OR14A2: variants seen among roughly 807,000 people sequenced by gnomAD.
OR14A2 encodes olfactory receptor 14A2.
For missense variants in OR14A2, 237 were observed against 152.9 expected (o/e 1.55, Z -2.90); for synonymous variants, 114 against 58.6 (o/e 1.95, Z -4.32).
At chr1:247,726,943 G>A (rs1190989389), upstream of OR14A2, among the ~76,000 whole-genome samples, 1 of 143,902 alleles carries the variant, frequency 6.9e-6, no homozygotes, top group African/African-American at 2.9e-5. Flanking sequence ...TAGCCTTGTA[G>A]TATAGCTTGA....
At chr1:247,743,118 A>G in the OR14A2 span, among the ~76,000 whole-genome samples, 1 of 152,236 alleles carries the variant, frequency 6.6e-6, no homozygotes, top group South Asian at 2.1e-4. Context: ...CAAATTTCAT[A>G]AAGTCTAAAT....
the OR14A2 span, among the ~76,000 whole-genome samples, chr1:247,738,189 G>T: frequency 6.6e-6 from 1 of 152,150 alleles, no homozygotes; most frequent in East Asian, 1.9e-4. Context: ...ATTGCAGTAA[G>T]TAGCAAGCAG....
the OR14A2 span, chr1:247,746,647 T>C: frequency 6.6e-6 from 1 of 152,334 alleles, no homozygotes; most frequent in East Asian, 1.9e-4. Flanking sequence ...CAGTTCCAAT[T>C]TCTCCATATA....
At chr1:247,723,122 C>G in exon 1 of OR14A2, 1 of 716,622 alleles carries the variant, frequency 1.4e-6, no homozygotes, top group Non-Finnish European at 2.6e-6. Context: ...GCCTCCTGAC[C>G]ATATGTTTTC....
chr1:247,739,236 T>C, the OR14A2 span: 1 of 780,920 alleles, frequency 1.3e-6, no homozygotes, highest in Non-Finnish European at 2.4e-6. Flanking sequence ...TGCATTTTCA[T>C]GTTTAGTTTG....
upstream of OR14A2, among the ~76,000 whole-genome samples, chr1:247,724,885 A>G (rs536044325): frequency 1.3e-5 from 2 of 152,204 alleles, no homozygotes; most frequent in South Asian, 4.1e-4. Context: ...TAAAACTATC[A>G]AATATCTTCT....
the OR14A2 span, among the ~76,000 whole-genome samples, chr1:247,744,119 A>G: frequency 1.3e-5 from 2 of 152,138 alleles, no homozygotes; most frequent in Non-Finnish European, 2.9e-5. The surrounding 1 kb of genome is among the most constrained non-coding windows in gnomAD (Gnocchi z 4.3). Context: ...TTTGGCCCTT[A>G]TGTTGCCTAT....
chr1:247,748,003 A>G, the OR14A2 span, among the ~76,000 whole-genome samples: 1 of 152,170 alleles, frequency 6.6e-6, no homozygotes, highest in Non-Finnish European at 1.5e-5. Flanking sequence ...TAATTTTTTC[A>G]AGAGGATTTT....
the OR14A2 span, among the ~76,000 whole-genome samples, chr1:247,745,355 G>C: frequency 1.3e-5 from 2 of 150,706 alleles, no homozygotes; most frequent in African/African-American, 4.9e-5. Flanking sequence ...TACTCCTGCT[G>C]AGTGAAGGGG....
the OR14A2 span, chr1:247,738,766 A>G: frequency 3.8e-6 from 3 of 780,658 alleles, no homozygotes; most frequent in Non-Finnish European, 7.2e-6. Context: ...ATTCTGGACC[A>G]TCGTCTCCAC....
At chr1:247,723,413 A>G in exon 1 of OR14A2, 1 of 717,592 alleles carries the variant, frequency 1.4e-6, no homozygotes, top group East Asian at 2.7e-5. Context: ...ATCACAATAC[A>G]GATGAAACAA....
At chr1:247,725,365 G>C (rs1273113408), upstream of OR14A2, among the ~76,000 whole-genome samples, 1 of 151,966 alleles carries the variant, frequency 6.6e-6, no homozygotes, top group Non-Finnish European at 1.5e-5. Context: ...TAATTCTGAA[G>C]ACATTTATTA....
At chr1:247,736,537 T>G in the OR14A2 span, among the ~76,000 whole-genome samples, 10 of 152,176 alleles carry the variant, frequency 6.6e-5, no homozygotes, top group Admixed American at 3.3e-4. Context: ...TCATTTCATA[T>G]GTAAGCATGT....
the OR14A2 span, among the ~76,000 whole-genome samples, chr1:247,747,359 CTTT>C: frequency 7.3e-6 from 1 of 136,382 alleles, no homozygotes; most frequent in African/African-American, 2.8e-5. Context: ...AATGCGAAGA[CTTT>C]TTTTTTTTTT....
chr1:247,746,386 C>G, the OR14A2 span: 1 of 152,214 alleles, frequency 6.6e-6, no homozygotes, highest in Non-Finnish European at 1.5e-5. Context: ...GTGGCATCCA[C>G]TAGCGGAATT....
the OR14A2 span, chr1:247,738,895 G>A: frequency 1.3e-6 from 1 of 780,374 alleles, no homozygotes; most frequent in African/African-American, 1.7e-5. Context: ...TCCTTCCTGG[G>A]GTGTGTGTTG....
At chr1:247,744,293 C>T in the OR14A2 span, among the ~76,000 whole-genome samples, 1 of 152,082 alleles carries the variant, frequency 6.6e-6, no homozygotes, top group East Asian at 1.9e-4. This position sits in a 1 kb window ranked among gnomAD's most constrained non-coding sequence, Gnocchi z 4.3. Flanking sequence ...CATGTGATAG[C>T]TGGGATCTTT....
At chr1:247,745,280 A>T in the OR14A2 span, among the ~76,000 whole-genome samples, 1 of 152,156 alleles carries the variant, frequency 6.6e-6, no homozygotes, top group Admixed American at 6.5e-5. Context: ...TTATTACCTA[A>T]ATCATTTGGA....
At chr1:247,724,872 T>G (rs1448321096), upstream of OR14A2, among the ~76,000 whole-genome samples, 1 of 152,132 alleles carries the variant, frequency 6.6e-6, no homozygotes, top group East Asian at 1.9e-4. Flanking sequence ...GTAATTTACT[T>G]TGTAAAACTA....
Sources: allele counts gnomAD v4.1 joint callset (sites outside exome capture counted in the v4.1 genomes callset), GRCh38; gene constraint gnomAD v4.1.1; non-coding constraint Gnocchi (gnomAD v3.1); transcripts MANE v1.5; gene names NCBI Gene and HGNC (gene_info 2026-07-23, HGNC 2026-07-21).